Variants in PYGB observed in about 807,000 individuals in gnomAD.
PYGB encodes glycogen phosphorylase, brain form.
PYGB carries 82 observed loss-of-function variants against 94.3 expected under a neutral mutation model. That is an observed-to-expected ratio of 0.87 (90% CI 0.73 to 1.04). PYGB has a LOEUF of 1.04. Ranked by LOEUF, PYGB falls within the 50% of genes least tolerant of loss-of-function variation. The pLI, the probability that PYGB is intolerant of heterozygous loss-of-function variation, is 0.00. For synonymous variants in PYGB, 488 were observed against 479.1 expected (o/e 1.02, Z -0.24); for missense variants, 1,132 against 1,158.2 (o/e 0.98, Z 0.33).
rs2088243560 is a variant in PYGB at position 25,269,110 on chromosome 20, C to T, written c.346-19C>T. The T allele has an allele frequency of 1.3e-6, 2 of 1,532,824 alleles. No individual in the cohort carries two copies. Among genetic ancestry groups the T allele is most frequent in the Non-Finnish European group, 9.0e-7 (1 of 1,106,388 alleles). The allele number at this position is 1,532,824 out of a possible 1,614,324, so 95.0% of individuals were successfully genotyped here. On this transcript the variant is annotated intron_variant, in intron 2 of 19. Transcript: ENST00000216962. ...AATATTGAGTAACATTAAAATGCTG[C>T]CTGTGTTTTTGTTTGCAGTTGGGGT...
intron 1 of PYGB, among the ~76,000 whole-genome samples, chr20:25,252,346 A>C (rs571131023): frequency 6.6e-6 from 1 of 152,072 alleles, no homozygotes; most frequent in Admixed American, 6.5e-5. Flanking sequence ...CTAGATAGTA[A>C]CGTGGATGTC....
chr20:25,284,331 G>A (rs1431749848), intron 14 of PYGB, 80 bp downstream of exon 14: 2 of 1,538,196 alleles, frequency 1.3e-6, no homozygotes, highest in Non-Finnish European at 1.8e-6. Flanking sequence ...ACAGACCCTG[G>A]GCCTCTGTCA....
chr20:25,277,211 T>C lies in PYGB; in HGVS notation c.773-33T>C, dbSNP rs747560667. 9.3e-6 allele frequency: 14 copies of C among 1,500,740 alleles called. No homozygotes were observed. In the Admixed American group the frequency reaches 2.0e-4, roughly 22 times the overall value. The allele number at this position is 1,500,740 out of a possible 1,614,324, so 93.0% of individuals were successfully genotyped here. A position where few individuals can be genotyped will look rare whatever the true frequency, so the allele number is the denominator to read the frequency against. On this transcript the variant is annotated intron_variant, in intron 6 of 19. Transcript: ENST00000216962. ...GTTGCAGTGCTGGTGCCAGGAGGCATGTGTGTGTTGACCCCGCTCCATTTC... is the reference window on the plus strand; with the variant it reads ...GTTGCAGTGCTGGTGCCAGGAGGCACGTGTGTGTTGACCCCGCTCCATTTC...
At chr20:25,274,859 G>A in intron 5 of PYGB, 136 bp downstream of exon 5, 1 of 1,358,762 alleles carries the variant, frequency 7.4e-7, no homozygotes, top group East Asian at 2.3e-5. Context: ...AAAAGCCGGG[G>A]GAGGTTTATT....
At position 25,292,411 on chromosome 20, in the gene PYGB, C is replaced by A; in HGVS notation, c.1975C>A (p.Pro659Thr). Residue 659 changes from proline (P) to threonine (T), a missense_variant, in exon 17 of 20, where the codon CCG becomes ACG. Physicochemically the swap from Pro to Thr is conservative, Grantham distance 38 (BLOSUM62 -1). Coordinates refer to ENST00000216962, the MANE Select transcript of PYGB (RefSeq NM_002862.4). ...CCACGGGCTCCCCTCCACAGTGATCCCGGCCGCTGATCTGTCGCAGCAGAT... is the reference window on the plus strand; with the variant it reads ...CCACGGGCTCCCCTCCACAGTGATCACGGCCGCTGATCTGTCGCAGCAGAT... ...YRVSLAEKVI[P>T]AADLSQQIST... The A allele has an allele frequency of 6.2e-7, 1 of 1,612,946 alleles. No homozygotes were observed. The highest frequency in any genetic ancestry group is 1.1e-5 in the South Asian group (1 of 91,080).
At position 25,292,537 on chromosome 20, in the gene PYGB, G is replaced by A; in HGVS notation, c.2101G>A (p.Ala701Thr). 6.2e-7 allele frequency: 1 copy of A among 1,613,338 alleles called. No individual in the cohort carries two copies. The highest frequency in any genetic ancestry group is 8.5e-7 in the Non-Finnish European group (1 of 1,179,940). The stretch of plus-strand genomic sequence containing the variant: ...CATGGACGGCGCCAACGTGGAGATG[G>A]CCGAGGAGGCCGGGGCCGAGAACCT... Reference protein sequence around the residue: ...GTMDGANVEMAEEAGAENLFI... With the variant: ...GTMDGANVEMTEEAGAENLFI... The change falls in exon 17 of 20, where the codon GCC becomes ACC. Residue 701 changes from alanine (A) to threonine (T), a missense_variant. Transcript: ENST00000216962.
Position 25,294,951 on chromosome 20 carries a change from C to A in PYGB, c.2313-653C>A, listed in dbSNP as rs760501310. ...AGTTTTGTCTGCTGCTCTTCGATGACCGTGTCACCTGTTGGCTTCAGTCAC... is the reference window on the plus strand; with the variant it reads ...AGTTTTGTCTGCTGCTCTTCGATGAACGTGTCACCTGTTGGCTTCAGTCAC... On this transcript the variant is annotated intron_variant, in intron 18 of 19. Coordinates refer to ENST00000216962, the MANE Select transcript of PYGB (RefSeq NM_002862.4). 7.4e-6 allele frequency: 12 copies of A among 1,613,868 alleles called. No homozygotes were observed. The South Asian group carries it at 1.3e-4, about 18-fold the overall frequency.
chr20:25,258,543 C>G (rs2092907089), intron 1 of PYGB, among the ~76,000 whole-genome samples: 1 of 152,208 alleles, frequency 6.6e-6, no homozygotes, highest in African/African-American at 2.4e-5. Context: ...CGCTGCAGGC[C>G]CGTGGATGGC....
chr20:25,288,715 G>T, intron 15 of PYGB: 1 of 571,712 alleles, frequency 1.7e-6, no homozygotes, highest in Non-Finnish European at 3.1e-6. Flanking sequence ...TAGAGGGCCA[G>T]TCCCCAGTGG....
At chr20:25,295,780 A>AG in intron 19 of PYGB, 110 bp downstream of exon 19, 1 of 1,267,690 alleles carries the variant, frequency 7.9e-7, no homozygotes, top group East Asian at 2.4e-5. Flanking sequence ...CCTGGGCCAG[A>AG]GGGGTTTGTG....
intron 15 of PYGB, among the ~76,000 whole-genome samples, chr20:25,290,184 C>A (rs920871624): frequency 6.6e-6 from 1 of 152,236 alleles, no homozygotes; most frequent in Non-Finnish European, 1.5e-5. Context: ...TGTCAGTCGG[C>A]AGCTCTAGAA....
intron 1 of PYGB, among the ~76,000 whole-genome samples, chr20:25,255,063 C>T (rs1319457200): frequency 1.3e-5 from 2 of 152,224 alleles, no homozygotes; most frequent in Non-Finnish European, 2.9e-5. Flanking sequence ...AGCCAAGTTT[C>T]CCTGGCAGTT....
At position 25,248,130 on chromosome 20, in the gene PYGB, T is replaced by C. The variant is rs2092875738; in HGVS notation, c.-49T>C. ...GCTGCACCATCCCGGCGTTCGCGTG[T>C]GCCGCCGCTTTCCTCCTCCATCTCT... On this transcript the variant is annotated 5_prime_UTR_variant, in exon 1 of 20. Coordinates refer to ENST00000216962, the MANE Select transcript of PYGB (RefSeq NM_002862.4). The C allele has an allele frequency of 6.6e-7, 1 of 1,508,034 alleles. No individual in the cohort carries two copies. Among genetic ancestry groups the C allele is most frequent in the Admixed American group, 2.0e-5 (1 of 50,958 alleles). The allele number at this position is 1,508,034 out of a possible 1,614,324, so 93.4% of individuals were successfully genotyped here. A position where few individuals can be genotyped will look rare whatever the true frequency, so the allele number is the denominator to read the frequency against.
At chr20:25,272,817 C>G (rs1005886386) in intron 4 of PYGB, among the ~76,000 whole-genome samples, 4 of 152,310 alleles carry the variant, frequency 2.6e-5, no homozygotes, top group Admixed American at 6.5e-5. Flanking sequence ...ATTCTGGCCC[C>G]CAGCAGTCCC....
intron 2 of PYGB, among the ~76,000 whole-genome samples, chr20:25,267,997 A>G (rs932259845): frequency 2.0e-5 from 3 of 152,212 alleles, no homozygotes; most frequent in African/African-American, 4.8e-5. Flanking sequence ...TTTTTTAAAA[A>G]TTTAATGGAT....
chr20:25,267,924 G>C (rs1184229075), intron 2 of PYGB, among the ~76,000 whole-genome samples: 1 of 152,116 alleles, frequency 6.6e-6, no homozygotes, highest in Non-Finnish European at 1.5e-5. Flanking sequence ...TTAAAAACAG[G>C]AAGGAACTAA....
intron 15 of PYGB, chr20:25,289,874 T>TC (rs747565097): frequency 3.4e-5 from 18 of 533,506 alleles, no homozygotes; most frequent in Admixed American, 1.6e-4. Context: ...AGTACCACCA[T>TC]CCGTCACACC....
At chr20:25,293,026 T>C (rs1030911672) in intron 17 of PYGB, among the ~76,000 whole-genome samples, 1 of 152,022 alleles carries the variant, frequency 6.6e-6, no homozygotes, top group African/African-American at 2.4e-5. Context: ...CTCTGCTGAT[T>C]TGGGGCTTGC....
intron 1 of PYGB, among the ~76,000 whole-genome samples, chr20:25,254,135 G>C (rs1300931767): frequency 6.6e-6 from 1 of 151,318 alleles, no homozygotes; most frequent in Non-Finnish European, 1.5e-5. Context: ...ACGGCAGTGA[G>C]TACTCCGGAA....
Sources: allele counts gnomAD v4.1 joint callset (sites outside exome capture counted in the v4.1 genomes callset), GRCh38; gene constraint gnomAD v4.1.1; transcripts MANE v1.5; gene names NCBI Gene and HGNC (gene_info 2026-07-23, HGNC 2026-07-21).